The following LSM14A variants were observed in gnomAD, a reference collection of about 807,000 sequenced individuals.
The protein encoded by LSM14A is LSM14A mRNA processing body assembly factor, also known as protein LSM14 homolog A.
LSM14A carries 14 observed loss-of-function variants against 52.4 expected under a neutral mutation model. The observed-to-expected ratio is 0.27, with a 90% confidence interval of 0.18 to 0.42. LSM14A has a LOEUF of 0.42. Among genes scored for constraint, LSM14A ranks in the 10% least tolerant of loss-of-function variants. The pLI, the probability that LSM14A is intolerant of heterozygous loss-of-function variation, is 1.00. For missense variants in LSM14A, 417 were observed against 581.8 expected (o/e 0.72, Z 2.91); for synonymous variants, 185 against 200.3 (o/e 0.92, Z 0.64).
At position 34,219,715 on chromosome 19, in the gene LSM14A, T is replaced by C. The variant is rs759222915; in HGVS notation, c.974T>C (p.Leu325Pro). The change falls in exon 8 of 10, where the codon CTT (leucine) becomes CCT (proline). Residue 325 changes from leucine to proline, a missense_variant. Physicochemically the swap from Leu to Pro is moderately conservative, Grantham distance 98 (BLOSUM62 -3). Transcript: ENST00000544216. ...HNKLKLKEDKLEKQEKPVNGE... is the reference protein window; with the variant it reads ...HNKLKLKEDKPEKQEKPVNGE... ...GTGCTTTTGTTCTTAGAAGATAAAC[T>C]TGAGAAACAGGAGAAGCCTGTAAAT... The C allele has an allele frequency of 6.2e-7, 1 of 1,605,848 alleles. No individual in the cohort carries two copies. Among genetic ancestry groups the C allele is most frequent in the South Asian group, 1.1e-5 (1 of 88,896 alleles).
chr19:34,215,389 A>C, intron 5 of LSM14A, 89 bp downstream of exon 5: 1 of 1,300,308 alleles, frequency 7.7e-7, no homozygotes, highest in Admixed American at 2.7e-5. Context: ...ACTTCATGTG[A>C]ATGATCCCAG....
chr19:34,174,809 T>C (rs920838132), intron 1 of LSM14A, among the ~76,000 whole-genome samples: 3 of 152,226 alleles, frequency 2.0e-5, no homozygotes, highest in African/African-American at 7.2e-5. Flanking sequence ...AATAAATTTG[T>C]TTTAAAGTAT....
At chr19:34,219,602 TAATC>T in intron 7 of LSM14A, 29 bp downstream of exon 7, 1 of 1,590,424 alleles carries the variant, frequency 6.3e-7, no homozygotes, top group Middle Eastern at 1.7e-4. Context: ...TTTCAGAAAA[TAATC>T]TTATTTGATC....
In LSM14A at chr19:34,192,316, GTTGTT is replaced by G. The variant is rs1175438850; in HGVS notation, c.122-2159_122-2155del. ...TTTACACTGAAATAACATTCTTTTT[GTTGTT>G]TTTTTTTTTTTTTTTTTTTTTGGAG... On this transcript the variant is annotated intron_variant, in intron 1 of 9. Coordinates refer to ENST00000544216, the MANE Select transcript of LSM14A (RefSeq NM_015578.4). Among the ~76,000 whole-genome samples the G allele has an allele frequency of 4.6e-3, 303 of 65,744 alleles. 4 individuals carry two copies. The highest frequency in any genetic ancestry group is 8.6e-3 in the Middle Eastern group (1 of 116). 43.1% of individuals were successfully genotyped at this position (65,744 alleles called of 152,430 possible). A position where few individuals can be genotyped will look rare whatever the true frequency, so the allele number is the denominator to read the frequency against.
chr19:34,199,697 G>C (rs764073638), intron 3 of LSM14A, among the ~76,000 whole-genome samples: 2 of 152,144 alleles, frequency 1.3e-5, no homozygotes, highest in Non-Finnish European at 1.5e-5. Flanking sequence ...TGTAGACTCA[G>C]CTCTTAGTTT....
At chr19:34,226,495 A>T in intron 9 of LSM14A, 1 of 1,499,918 alleles carries the variant, frequency 6.7e-7, no homozygotes, top group Non-Finnish European at 8.9e-7. Flanking sequence ...GGGAGGTGTG[A>T]AGGTTGGCTT....
intron 3 of LSM14A, among the ~76,000 whole-genome samples, chr19:34,198,899 A>G (rs1378844313): frequency 6.6e-6 from 1 of 151,750 alleles, no homozygotes; most frequent in Non-Finnish European, 1.5e-5. Flanking sequence ...AGGCAGGAGC[A>G]TGGCGTGAAC....
chr19:34,204,090 G>A (rs989865490), intron 3 of LSM14A, among the ~76,000 whole-genome samples: 1 of 152,110 alleles, frequency 6.6e-6, no homozygotes, highest in African/African-American at 2.4e-5. Flanking sequence ...TTGGGGGGGC[G>A]TTCTTCGTAA....
rs371434451 is a variant in LSM14A at position 34,217,605 on chromosome 19, TCCC to T, written c.782-1777_782-1775del. Among the ~76,000 whole-genome samples, 423 of 55,514 alleles carry T rather than the reference TCCC, an allele frequency of 7.6e-3. 44 individuals carry two copies. Among genetic ancestry groups the T allele is most frequent in the African/African-American group, 0.022 (294 of 13,664 alleles). 36.4% of individuals were successfully genotyped at this position (55,514 alleles called of 152,430 possible). On this transcript the variant is annotated intron_variant, in intron 6 of 9. Transcript: ENST00000544216. ...ATTTATATATATATATATTTTTATA[TCCC>T]CCCCCCCCGTGTTTTTTTTTTTTTT...
At chr19:34,210,433 C>T (rs1176075699) in intron 4 of LSM14A, among the ~76,000 whole-genome samples, 1 of 151,984 alleles carries the variant, frequency 6.6e-6, no homozygotes, top group Non-Finnish European at 1.5e-5. Flanking sequence ...CCACGCCCAG[C>T]TCATTTTTTT....
chr19:34,189,627 G>GA (rs941911231), intron 1 of LSM14A, among the ~76,000 whole-genome samples: 94 of 148,372 alleles, frequency 6.3e-4, no homozygotes, highest in African/African-American at 2.0e-3. Context: ...TGTTATGAAT[G>GA]AAAAAAAAAA....
intron 1 of LSM14A, among the ~76,000 whole-genome samples, chr19:34,187,185 G>A (rs2069975746): frequency 4.0e-5 from 6 of 151,252 alleles, no homozygotes; most frequent in Admixed American, 3.3e-4. Flanking sequence ...GGAAGCAGAG[G>A]TTGCGGTGAG....
chr19:34,175,499 C>G (rs538608407), intron 1 of LSM14A, among the ~76,000 whole-genome samples: 2 of 151,980 alleles, frequency 1.3e-5, no homozygotes, highest in East Asian at 3.9e-4. Flanking sequence ...CCCAGAATGC[C>G]GGGATTACAG....
chr19:34,221,123 C>A (rs1390291326), intron 8 of LSM14A, among the ~76,000 whole-genome samples: 1 of 148,016 alleles, frequency 6.8e-6, no homozygotes, highest in African/African-American at 2.5e-5. Context: ...GCTCTTGTCA[C>A]CCAGACTGTA....
At position 34,172,602 on chromosome 19, in the gene LSM14A, C is replaced by A; in HGVS notation, c.-41C>A. 1 of 1,526,932 alleles carries A rather than the reference C, an allele frequency of 6.5e-7. No homozygotes were observed. Among genetic ancestry groups the A allele is most frequent in the Non-Finnish European group, 8.8e-7 (1 of 1,139,192 alleles). The allele number at this position is 1,526,932 out of a possible 1,614,324, so 94.6% of individuals were successfully genotyped here. Reference sequence around the variant, plus strand: ...GGAGCGGGCGACAGTGGCGTGGGATCTGCCTCTCTGCGAGCAGCTGGGAGC... The same window carrying A: ...GGAGCGGGCGACAGTGGCGTGGGATATGCCTCTCTGCGAGCAGCTGGGAGC... On this transcript the variant is annotated 5_prime_UTR_variant, in exon 1 of 10. It adds an upstream start codon to the 5' untranslated region. Coordinates refer to ENST00000544216, the MANE Select transcript of LSM14A (RefSeq NM_015578.4).
intron 7 of LSM14A, 46 bp downstream of exon 7, chr19:34,219,619 TG>T: frequency 6.3e-7 from 1 of 1,576,398 alleles, no homozygotes; most frequent in Non-Finnish European, 8.7e-7. Flanking sequence ...ATTTGATCTG[TG>T]AATTACAGAT....
chr19:34,208,993 T>C lies in LSM14A; in HGVS notation c.480T>C (p.Ser160=). The part of the protein sequence containing the change: ...TSNSGTLPQS[S]AVGSAFTQDT... ...ACAGTGGTACCTTACCCCAAAGTAG[T>C]GCGGTTGGTTCTGCCTTTACACAGG... The change falls in exon 4 of 10, where the codon AGT becomes AGC. Residue 160 remains serine (S), a synonymous_variant. Coordinates refer to ENST00000544216, the MANE Select transcript of LSM14A (RefSeq NM_015578.4). 6.2e-7 allele frequency: 1 copy of C among 1,612,068 alleles called. No individual in the cohort carries two copies. The highest frequency in any genetic ancestry group is 8.5e-7 in the Non-Finnish European group (1 of 1,178,570).
intron 1 of LSM14A, among the ~76,000 whole-genome samples, chr19:34,190,971 T>G (rs967649853): frequency 2.0e-5 from 3 of 152,150 alleles, no homozygotes; most frequent in African/African-American, 7.2e-5. Flanking sequence ...TTCTGTTATA[T>G]CTTTAATTAT....
At chr19:34,178,390 A>G (rs1381012273) in intron 1 of LSM14A, among the ~76,000 whole-genome samples, 1 of 152,232 alleles carries the variant, frequency 6.6e-6, no homozygotes, top group Non-Finnish European at 1.5e-5. Context: ...GCATATGTCA[A>G]GAAGTCATAA....
Sources: gnomAD v4.1 joint callset for allele counts (sites outside exome capture counted in the v4.1 genomes callset) on GRCh38, gnomAD v4.1.1 for gene constraint, MANE v1.5 for transcripts, NCBI Gene and HGNC (gene_info 2026-07-23, HGNC 2026-07-21) for gene names.